Variants in SH3GL2 observed in about 807,000 individuals in gnomAD.
SH3GL2 encodes endophilin-A1.
Under a neutral mutation model 46.0 loss-of-function variants are expected in SH3GL2, and 24 were observed. The observed-to-expected ratio is 0.52, with a 90% CI of 0.38 to 0.73. The LOEUF (loss-of-function observed/expected upper bound fraction) is 0.73. SH3GL2 is among the 30% of genes least tolerant of loss of function. SH3GL2 has a pLI of 0.00. For missense variants in SH3GL2, 413 were observed against 424.2 expected (o/e 0.97, Z 0.23); for synonymous variants, 196 against 147.1 (o/e 1.33, Z -2.40).
chr9:17,649,289 A>T (rs1280920837), intron 1 of SH3GL2, among the ~76,000 whole-genome samples: 1 of 152,166 alleles, frequency 6.6e-6, no homozygotes, highest in Non-Finnish European at 1.5e-5. Context: ...CTGGTCTCGA[A>T]CTTGTGACCT....
At chr9:17,742,976 G>A (rs915202717) in intron 1 of SH3GL2, among the ~76,000 whole-genome samples, 1 of 152,180 alleles carries the variant, frequency 6.6e-6, no homozygotes, top group African/African-American at 2.4e-5. Context: ...AGTATACTAA[G>A]TGGCATCAGA....
At chr9:17,721,118 C>T (rs1468934861) in intron 1 of SH3GL2, among the ~76,000 whole-genome samples, 1 of 151,998 alleles carries the variant, frequency 6.6e-6, no homozygotes, top group Non-Finnish European at 1.5e-5. Flanking sequence ...CTCTTTGTGG[C>T]CCTCTAGATT....
At chr9:17,786,284 A>G (rs1823954481) in intron 3 of SH3GL2, 97 bp from the exon 4 acceptor site, 3 of 1,135,356 alleles carry the variant, frequency 2.6e-6, no homozygotes, top group African/African-American at 3.1e-5. Context: ...TAGCTGAGCT[A>G]CTTTGTAGGC....
chr9:17,620,193 G>A (rs1466748607), intron 1 of SH3GL2, among the ~76,000 whole-genome samples: 1 of 152,162 alleles, frequency 6.6e-6, no homozygotes, highest in Non-Finnish European at 1.5e-5. Context: ...TAAGGATAGT[G>A]CAGCATTAAG....
rs1588335921 is a variant in SH3GL2, at chr9:17,786,612, A to G, written c.331+88A>G. The G allele has an allele frequency of 4.3e-6, 6 of 1,394,184 alleles. No individual in the cohort carries two copies. In the East Asian group the frequency reaches 1.1e-4, roughly 27 times the overall value. The allele number at this position is 1,394,184 out of a possible 1,614,324, so 86.4% of individuals were successfully genotyped here. On this transcript the variant is annotated intron_variant, in intron 4 of 8. Transcript: ENST00000380607. The stretch of plus-strand genomic sequence containing the variant: ...AGAAATTCTGTAGGGAATCGGTCAA[A>G]TCATTTTATATTTTGGTTTTCAGTT...
intron 1 of SH3GL2, among the ~76,000 whole-genome samples, chr9:17,666,510 G>C (rs1211168773): frequency 6.6e-6 from 1 of 150,530 alleles, no homozygotes; most frequent in Non-Finnish European, 1.5e-5. Context: ...AGATTCATGT[G>C]TTTTCTTTTC....
At chr9:17,770,398 T>G (rs193221368) in intron 3 of SH3GL2, among the ~76,000 whole-genome samples, 18 of 152,274 alleles carry the variant, frequency 1.2e-4, no homozygotes, top group Admixed American at 5.2e-4. Flanking sequence ...AAAAAATGTC[T>G]TATGCTACAA....
chr9:17,726,411 T>G (rs1822021570), intron 1 of SH3GL2, among the ~76,000 whole-genome samples: 1 of 152,194 alleles, frequency 6.6e-6, no homozygotes, highest in African/African-American at 2.4e-5. Flanking sequence ...AGATACTACA[T>G]TTTTAAAGTG....
At chr9:17,654,334 C>A (rs1025904620) in intron 1 of SH3GL2, among the ~76,000 whole-genome samples, 1 of 152,160 alleles carries the variant, frequency 6.6e-6, no homozygotes, top group East Asian at 1.9e-4. Flanking sequence ...GCTGCTTCCC[C>A]TGAATAAATG....
At chr9:17,789,841 A>T in intron 6 of SH3GL2, 1 of 846,090 alleles carries the variant, frequency 1.2e-6, no homozygotes, top group South Asian at 5.4e-5. Flanking sequence ...CATGTAATTT[A>T]TCGAATAACG....
chr9:17,648,185 G>A (rs7865293), intron 1 of SH3GL2, among the ~76,000 whole-genome samples: 132,572 of 152,164 alleles, frequency 0.87, 59,395 homozygotes, highest in East Asian at 0.97. Context: ...CAAAAGTTAT[G>A]TGTGGATTTT....
intron 1 of SH3GL2, among the ~76,000 whole-genome samples, chr9:17,627,972 T>A (rs2134617392): frequency 6.6e-6 from 1 of 152,304 alleles, no homozygotes; most frequent in Admixed American, 6.5e-5. Flanking sequence ...CTGGTGTTGT[T>A]GAGTGTAGAG....
chr9:17,793,523 T>C (rs1660812460), intron 8 of SH3GL2, 26 bp downstream of exon 8: 2 of 1,610,554 alleles, frequency 1.2e-6, no homozygotes, highest in Non-Finnish European at 8.5e-7. Flanking sequence ...GCAGATCCTA[T>C]TGCATAGCCC....
chr9:17,691,705 G>A (rs1418598405), intron 1 of SH3GL2, among the ~76,000 whole-genome samples: 2 of 152,070 alleles, frequency 1.3e-5, no homozygotes, highest in Non-Finnish European at 2.9e-5. Context: ...CACTAACATA[G>A]TTGGTATTTT....
intron 2 of SH3GL2, chr9:17,755,819 C>T: frequency 1.0e-6 from 1 of 978,592 alleles, no homozygotes; most frequent in Non-Finnish European, 1.2e-6. Flanking sequence ...ACCAACTTTT[C>T]TTCAGGGAAG....
At chr9:17,610,055 G>A (rs1818831446) in intron 1 of SH3GL2, among the ~76,000 whole-genome samples, 1 of 152,172 alleles carries the variant, frequency 6.6e-6, no homozygotes, top group South Asian at 2.1e-4. Flanking sequence ...TCAATGTATT[G>A]TCATATCCCC....
intron 1 of SH3GL2, among the ~76,000 whole-genome samples, chr9:17,728,619 C>T (rs1330601757): frequency 6.6e-6 from 1 of 151,856 alleles, no homozygotes; most frequent in Non-Finnish European, 1.5e-5. Flanking sequence ...AATGCTATCC[C>T]TCCCCTTGCT....
chr9:17,693,614 T>C (rs1252338102), intron 1 of SH3GL2, among the ~76,000 whole-genome samples: 4 of 152,178 alleles, frequency 2.6e-5, no homozygotes, highest in Non-Finnish European at 5.9e-5. Flanking sequence ...TATTCTGCCA[T>C]TTTATACAAG....
At chr9:17,768,676 C>T (rs1410697286) in intron 3 of SH3GL2, among the ~76,000 whole-genome samples, 1 of 152,072 alleles carries the variant, frequency 6.6e-6, no homozygotes. Context: ...GTTTCCCCTT[C>T]TCCTGGTAGA....
Sources: gnomAD v4.1 joint callset for allele counts (sites outside exome capture counted in the v4.1 genomes callset) on GRCh38, gnomAD v4.1.1 for gene constraint, MANE v1.5 for transcripts, NCBI Gene and HGNC (gene_info 2026-07-23, HGNC 2026-07-21) for gene names.